PCSK2: variants seen among roughly 807,000 people sequenced by gnomAD.
PCSK2 encodes the protein proprotein convertase subtilisin/kexin type 2.
A neutral mutation model predicts 69.7 loss-of-function variants in PCSK2; 14 were observed. The ratio of observed to expected loss-of-function variants is 0.20; its 90% CI spans 0.13 to 0.31. PCSK2 has a LOEUF of 0.31. Ranked by LOEUF, PCSK2 falls within the 10% of genes least tolerant of loss-of-function variation. The pLI is 1.00. For missense variants in PCSK2, 544 were observed against 842.5 expected, an observed-to-expected ratio of 0.65 and a Z score of 4.39; for synonymous variants, 307 against 320.7, an observed-to-expected ratio of 0.96 and a Z score of 0.46.
intron 2 of PCSK2, among the ~76,000 whole-genome samples, chr20:17,266,714 T>C (rs915653441): frequency 3.9e-5 from 6 of 152,054 alleles, no homozygotes; most frequent in Non-Finnish European, 7.4e-5. Context: ...GGGGCCTCAG[T>C]CAATTTTACA....
At chr20:17,306,034 T>C (rs571750472) in intron 2 of PCSK2, among the ~76,000 whole-genome samples, 1 of 152,344 alleles carries the variant, frequency 6.6e-6, no homozygotes, top group South Asian at 2.1e-4. Flanking sequence ...TTTGCATGAA[T>C]AACGTTTTGG....
chr20:17,393,292 G>C (rs1291405981), intron 5 of PCSK2, among the ~76,000 whole-genome samples: 4 of 151,898 alleles, frequency 2.6e-5, no homozygotes, highest in Non-Finnish European at 4.4e-5. Context: ...TATCTTAAAA[G>C]TTTCAAAAAA....
At chr20:17,480,316 A>G (rs1199018337) in intron 11 of PCSK2, among the ~76,000 whole-genome samples, 2 of 150,922 alleles carry the variant, frequency 1.3e-5, no homozygotes, top group Non-Finnish European at 2.9e-5. Context: ...CAGCCTCCCA[A>G]GTAGCTGGGA....
At chr20:17,258,468 A>T (rs538528733) in intron 1 of PCSK2, among the ~76,000 whole-genome samples, 16 of 152,274 alleles carry the variant, frequency 1.1e-4, no homozygotes, top group Admixed American at 9.8e-4. Flanking sequence ...ACACAGCATT[A>T]TCTTTGAATG....
chr20:17,273,070 T>C (rs970175502), intron 2 of PCSK2, among the ~76,000 whole-genome samples: 15 of 152,254 alleles, frequency 9.9e-5, no homozygotes, highest in Middle Eastern at 3.4e-3. Flanking sequence ...AATCAATGGG[T>C]AATTGTTAAT....
chr20:17,475,590 G>C (rs964270501), intron 11 of PCSK2, among the ~76,000 whole-genome samples: 15 of 152,146 alleles, frequency 9.9e-5, no homozygotes, highest in Admixed American at 2.0e-4. Flanking sequence ...GCCAATTGAA[G>C]AAATATTTTC....
At chr20:17,384,934 A>T (rs1365744275) in intron 5 of PCSK2, among the ~76,000 whole-genome samples, 1 of 152,172 alleles carries the variant, frequency 6.6e-6, no homozygotes, top group Non-Finnish European at 1.5e-5. Flanking sequence ...ACTCAAAAAA[A>T]TAAGAAAAAG....
At chr20:17,234,438 A>G (rs1003127816) in intron 1 of PCSK2, among the ~76,000 whole-genome samples, 1 of 152,170 alleles carries the variant, frequency 6.6e-6, no homozygotes, top group African/African-American at 2.4e-5. Flanking sequence ...ATTTTTTAAG[A>G]AACTGTTCCT....
chr20:17,229,448 AG>A (rs1022347173), intron 1 of PCSK2, among the ~76,000 whole-genome samples: 2 of 148,196 alleles, frequency 1.3e-5, no homozygotes, highest in Non-Finnish European at 3.0e-5. Flanking sequence ...GGGGAGTGGG[AG>A]GGAGCCATAG....
At position 17,260,260 on chromosome 20, in the gene PCSK2, G is replaced by T; in HGVS notation, c.198G>T (p.Leu66=). Residue 66 remains leucine, a synonymous_variant, in exon 2 of 12, where the codon CTG becomes CTT. Coordinates refer to ENST00000262545, the MANE Select transcript of PCSK2 (RefSeq NM_002594.5). ...CACAGCTTCCCTTTGCTGAAGGTCTGTACCACTTTTATCACAATGGCCTTG... is the reference window on the plus strand; with the variant it reads ...CACAGCTTCCCTTTGCTGAAGGTCTTTACCACTTTTATCACAATGGCCTTG... The part of the protein sequence containing the change: ...GVRKLPFAEG[L]YHFYHNGLAK... 6.2e-7 allele frequency: 1 copy of T among 1,612,726 alleles called. No individual in the cohort carries two copies.
At chr20:17,347,973 AGAAAGAAAGAG>A (rs1430528243) in intron 2 of PCSK2, among the ~76,000 whole-genome samples, 3 of 146,648 alleles carry the variant, frequency 2.0e-5, no homozygotes, top group South Asian at 4.4e-4. Flanking sequence ...AAAGAAAGAA[AGAAAGAAAGAG>A]GAGAGAGAAA....
At chr20:17,433,930 C>G (rs1277338355) in intron 7 of PCSK2, among the ~76,000 whole-genome samples, 59 of 127,152 alleles carry the variant, frequency 4.6e-4, no homozygotes, top group Non-Finnish European at 9.3e-4. Context: ...CTCTTTCCCT[C>G]TCCTCTCCCT....
At chr20:17,365,247 A>T (rs773123709) in intron 4 of PCSK2, among the ~76,000 whole-genome samples, 15 of 152,270 alleles carry the variant, frequency 9.9e-5, no homozygotes, top group Non-Finnish European at 1.9e-4. Context: ...CCCTGGCAGA[A>T]GGGGTAACAA....
At chr20:17,243,283 C>G (rs1197046298) in intron 1 of PCSK2, among the ~76,000 whole-genome samples, 5 of 152,176 alleles carry the variant, frequency 3.3e-5, no homozygotes, top group Non-Finnish European at 7.3e-5. Flanking sequence ...TCACAGCAGC[C>G]TCCAACTCCT....
rs1369916888 is a variant in PCSK2, at chr20:17,445,899, AG to A, written c.886-7842del. Among the ~76,000 whole-genome samples the A allele has an allele frequency of 5.3e-5, 8 of 152,290 alleles. No homozygotes were observed. In the East Asian group the frequency reaches 1.4e-3, roughly 26 times the overall value. On this transcript the variant is annotated intron_variant, in intron 8 of 11. Coordinates refer to ENST00000262545, the MANE Select transcript of PCSK2 (RefSeq NM_002594.5). The stretch of plus-strand genomic sequence containing the variant: ...CTGGGATAAAGAGAACTAAGAGAAA[AG>A]TCTGGTGGGTTTCGGGTGATCCTTG...
intron 1 of PCSK2, among the ~76,000 whole-genome samples, chr20:17,238,529 A>C (rs1259124022): frequency 6.6e-6 from 1 of 152,220 alleles, no homozygotes; most frequent in East Asian, 1.9e-4. Context: ...ATGCTTAACT[A>C]TTCCAAAAAG....
At chr20:17,335,750 A>G (rs1371194436) in intron 2 of PCSK2, among the ~76,000 whole-genome samples, 11 of 151,288 alleles carry the variant, frequency 7.3e-5, no homozygotes, top group Admixed American at 7.3e-4. Flanking sequence ...ACGATGTTTG[A>G]TGTTCCATTC....
At chr20:17,326,304 A>G (rs1990050598) in intron 2 of PCSK2, among the ~76,000 whole-genome samples, 1 of 152,248 alleles carries the variant, frequency 6.6e-6, no homozygotes, top group African/African-American at 2.4e-5. Flanking sequence ...TGTCAGAGAC[A>G]GTACTTGTCA....
intron 5 of PCSK2, among the ~76,000 whole-genome samples, chr20:17,394,624 G>A (rs2031467946): frequency 6.6e-6 from 1 of 152,164 alleles, no homozygotes; most frequent in African/African-American, 2.4e-5. Flanking sequence ...AGCACCATGA[G>A]TCAGGGACGT....
Sources: gnomAD v4.1 joint callset for allele counts (sites outside exome capture counted in the v4.1 genomes callset) on GRCh38, gnomAD v4.1.1 for gene constraint, MANE v1.5 for transcripts, NCBI Gene and HGNC (gene_info 2026-07-23, HGNC 2026-07-21) for gene names.